Variants in TBC1D32 observed in about 807,000 individuals in gnomAD.
The protein encoded by TBC1D32 is protein broad-minded.
TBC1D32 carries 151 observed loss-of-function variants against 170.3 expected under a neutral mutation model. The observed-to-expected ratio is 0.89, with a 90% CI of 0.78 to 1.01. The LOEUF is 1.01. Ranked by LOEUF, TBC1D32 falls within the 50% of genes least tolerant of loss-of-function variation. The pLI, the probability that TBC1D32 is intolerant of heterozygous loss-of-function variation, is 0.00. For missense variants in TBC1D32, 1,464 were observed against 1,457.1 expected (o/e 1.00, Z -0.08); for synonymous variants, 498 against 488.0 (o/e 1.02, Z -0.27).
intron 22 of TBC1D32, among the ~76,000 whole-genome samples, chr6:121,194,339 T>C (rs893135968): frequency 9.2e-5 from 14 of 152,188 alleles, no homozygotes; most frequent in Non-Finnish European, 4.4e-5. Context: ...ATGGAAGCCA[T>C]TAGAGCTGCC....
intron 19 of TBC1D32, among the ~76,000 whole-genome samples, chr6:121,239,648 A>G (rs1403648397): frequency 6.6e-6 from 1 of 152,132 alleles, no homozygotes; most frequent in Non-Finnish European, 1.5e-5. Context: ...CCCTTATTCC[A>G]ATATAACTAA....
chr6:121,095,472 G>C (rs1777289370), intron 30 of TBC1D32, among the ~76,000 whole-genome samples: 1 of 152,086 alleles, frequency 6.6e-6, no homozygotes, highest in Non-Finnish European at 1.5e-5. Flanking sequence ...ACACTATGTT[G>C]AATAGGAGTG....
chr6:121,254,476 A>G (rs1342815706), intron 17 of TBC1D32, among the ~76,000 whole-genome samples: 1 of 152,196 alleles, frequency 6.6e-6, no homozygotes, highest in Non-Finnish European at 1.5e-5. Context: ...TAAACTATAG[A>G]AATGCATTTT....
At chr6:121,271,774 A>G (rs1801469094) in intron 15 of TBC1D32, among the ~76,000 whole-genome samples, 1 of 152,186 alleles carries the variant, frequency 6.6e-6, no homozygotes, top group Admixed American at 6.5e-5. Flanking sequence ...TTTAAAGTTC[A>G]TATGGAATCA....
rs568822832 is a variant in TBC1D32 at position 121,079,547 on chromosome 6, TA to T, written c.*1223del. On this transcript the variant is annotated 3_prime_UTR_variant, in exon 32 of 32. Coordinates refer to ENST00000398212, the MANE Select transcript of TBC1D32 (RefSeq NM_152730.6). The stretch of plus-strand genomic sequence containing the variant: ...TTTATATTTAGATACAAGGAAAGAA[TA>T]AAAAACAGTATCTACAATTAGAAAA... 1.5e-3 allele frequency: 222 copies of T among 152,052 alleles called. No individual in the cohort carries two copies. Among genetic ancestry groups the T allele is most frequent in the African/African-American group, 4.2e-3 (173 of 41,500 alleles). The allele number at this position is 152,052 out of a possible 1,614,324, so 9.4% of individuals were successfully genotyped here.
chr6:121,158,475 C>G (rs1183679320), intron 24 of TBC1D32, among the ~76,000 whole-genome samples: 1 of 152,126 alleles, frequency 6.6e-6, no homozygotes, highest in Non-Finnish European at 1.5e-5. Flanking sequence ...ATCTTCCTTA[C>G]CAGCCAGATT....
At chr6:121,180,278 T>G (rs1788334704) in intron 22 of TBC1D32, among the ~76,000 whole-genome samples, 1 of 152,170 alleles carries the variant, frequency 6.6e-6, no homozygotes, top group African/African-American at 2.4e-5. Context: ...ATAGCTGAGA[T>G]ATTTTTGAAA....
chr6:121,283,431 CCAAAA>C (rs1247213287), intron 13 of TBC1D32, among the ~76,000 whole-genome samples: 1 of 151,248 alleles, frequency 6.6e-6, no homozygotes, highest in Admixed American at 6.6e-5. Context: ...TGGATGTAAG[CCAAAA>C]CAAGTGAGTT....
chr6:121,237,948 T>C (rs1583338734), intron 20 of TBC1D32, among the ~76,000 whole-genome samples: 4 of 152,260 alleles, frequency 2.6e-5, no homozygotes, highest in South Asian at 2.1e-4. Flanking sequence ...GATTCTATTA[T>C]ACTCCCTGAC....
chr6:121,305,448 T>G (rs1455364820), intron 5 of TBC1D32, among the ~76,000 whole-genome samples: 13 of 152,002 alleles, frequency 8.6e-5, no homozygotes, highest in African/African-American at 3.1e-4. Context: ...TATACCTACT[T>G]TATTAATATC....
At chr6:121,111,207 T>C (rs752365621) in intron 29 of TBC1D32, among the ~76,000 whole-genome samples, 5 of 152,254 alleles carry the variant, frequency 3.3e-5, no homozygotes, top group South Asian at 2.1e-4. Context: ...AGATCATTGA[T>C]GTTATGAAAA....
rs950436851 is a variant in TBC1D32, at chr6:121,241,615, T to C, written c.2158-63A>G. ...AAAACATGGCATGCTAACTAGACAT[T>C]CCTTCAAGATGGTAAGAACTGCAAA... On this transcript the variant is annotated intron_variant, in intron 18 of 31. Transcript: ENST00000398212. The C allele has an allele frequency of 9.9e-6, 13 of 1,318,678 alleles. No homozygotes were observed. The East Asian group carries it at 1.2e-4, about 12-fold the overall frequency. 81.7% of individuals were successfully genotyped at this position (1,318,678 alleles called of 1,614,324 possible).
chr6:121,108,244 G>T (rs1338234507), intron 29 of TBC1D32, among the ~76,000 whole-genome samples: 1 of 152,024 alleles, frequency 6.6e-6, no homozygotes, highest in Non-Finnish European at 1.5e-5. Flanking sequence ...TCAATAGTGA[G>T]AGCTCTAAGT....
chr6:121,285,474 C>A (rs1803660123), intron 12 of TBC1D32, among the ~76,000 whole-genome samples: 1 of 152,108 alleles, frequency 6.6e-6, no homozygotes, highest in Non-Finnish European at 1.5e-5. Context: ...CATGTAACCA[C>A]ACTCTACCTA....
At chr6:121,155,303 C>T (rs1331890745) in intron 24 of TBC1D32, among the ~76,000 whole-genome samples, 1 of 151,986 alleles carries the variant, frequency 6.6e-6, no homozygotes, top group Non-Finnish European at 1.5e-5. Flanking sequence ...ATTTGGCTTT[C>T]AATCTATACT....
At chr6:121,323,671 G>T (rs942062299) in intron 1 of TBC1D32, among the ~76,000 whole-genome samples, 1 of 152,230 alleles carries the variant, frequency 6.6e-6, no homozygotes, top group Non-Finnish European at 1.5e-5. Context: ...GCCGGGTGCA[G>T]TGACTCACGC....
At chr6:121,145,647 T>G (rs944622658) in intron 24 of TBC1D32, among the ~76,000 whole-genome samples, 1 of 152,224 alleles carries the variant, frequency 6.6e-6, no homozygotes. Context: ...ATTATGCATA[T>G]GTTAATTGGC....
At chr6:121,133,448 T>G (rs1234388981) in intron 24 of TBC1D32, among the ~76,000 whole-genome samples, 1 of 152,012 alleles carries the variant, frequency 6.6e-6, no homozygotes, top group African/African-American at 2.4e-5. Context: ...AGCATATGCA[T>G]GTATATGTGT....
chr6:121,101,787 G>A (rs1030350504), intron 30 of TBC1D32, among the ~76,000 whole-genome samples: 1 of 152,102 alleles, frequency 6.6e-6, no homozygotes, highest in African/African-American at 2.4e-5. Context: ...AGGAAAAGAG[G>A]AAGTCAAATT....
Sources: allele counts gnomAD v4.1 joint callset (sites outside exome capture counted in the v4.1 genomes callset), GRCh38; gene constraint gnomAD v4.1.1; transcripts MANE v1.5; gene names NCBI Gene and HGNC (gene_info 2026-07-23, HGNC 2026-07-21).